NOSTRIN: variants seen among roughly 807,000 people sequenced by gnomAD.
NOSTRIN encodes nitric oxide synthase trafficking, also known as BM247 homolog.
NOSTRIN carries 63 observed loss-of-function variants against 59.0 expected under a neutral mutation model. The ratio of observed to expected loss-of-function variants is 1.07; its 90% confidence interval spans 0.87 to 1.32. NOSTRIN has a LOEUF of 1.32. NOSTRIN is among the 40% of genes most tolerant of loss of function. NOSTRIN has a pLI of 0.00. For synonymous variants in NOSTRIN, 200 were observed against 165.4 expected, an observed-to-expected ratio of 1.21 and a Z score of -1.61; for missense variants, 512 against 473.1, an observed-to-expected ratio of 1.08 and a Z score of -0.76.
At chr2:168,820,214 C>G (rs1384068315) in intron 2 of NOSTRIN, among the ~76,000 whole-genome samples, 1 of 152,228 alleles carries the variant, frequency 6.6e-6, no homozygotes, top group Non-Finnish European at 1.5e-5. Context: ...GAATCCAAGT[C>G]TGTGACCATC....
intron 15 of NOSTRIN, 67 bp from the exon 16 acceptor site, chr2:168,864,767 C>CT: frequency 2.5e-6 from 4 of 1,576,040 alleles, no homozygotes; most frequent in Non-Finnish European, 3.5e-6. Context: ...CCTTAAAACT[C>CT]TTATCAATCG....
upstream of NOSTRIN, among the ~76,000 whole-genome samples, chr2:168,795,032 A>T (rs1685446302): frequency 6.6e-6 from 1 of 152,258 alleles, no homozygotes; most frequent in Non-Finnish European, 1.5e-5. Flanking sequence ...ACAGGAAAAA[A>T]TCACAATAAA....
At chr2:168,863,499 CT>C in intron 15 of NOSTRIN, 1 of 985,384 alleles carries the variant, frequency 1.0e-6, no homozygotes, top group African/African-American at 1.7e-5. Context: ...GCAGATCTTT[CT>C]ACTTTTATGA....
At chr2:168,833,887 G>A (rs981355024) in intron 6 of NOSTRIN, among the ~76,000 whole-genome samples, 4 of 152,210 alleles carry the variant, frequency 2.6e-5, no homozygotes. Context: ...ATCTTCTGTG[G>A]TAAAGCCATT....
intron 2 of NOSTRIN, among the ~76,000 whole-genome samples, chr2:168,814,619 C>G (rs1224858306): frequency 6.6e-6 from 1 of 152,176 alleles, no homozygotes; most frequent in Non-Finnish European, 1.5e-5. Context: ...GGAATATATT[C>G]AGTAGGCATT....
intron 2 of NOSTRIN, among the ~76,000 whole-genome samples, chr2:168,815,427 T>A (rs1686343769): frequency 6.6e-6 from 1 of 152,222 alleles, no homozygotes; most frequent in Admixed American, 6.5e-5. Context: ...ATGTTTGGCT[T>A]CCTGCATCCT....
intron 1 of NOSTRIN, among the ~76,000 whole-genome samples, chr2:168,806,417 T>C (rs1685854835): frequency 6.6e-6 from 1 of 152,210 alleles, no homozygotes; most frequent in Non-Finnish European, 1.5e-5. Context: ...ACAAGTCGCC[T>C]GTCTAAACAT....
In NOSTRIN at chr2:168,851,123, T is replaced by G. The variant is rs182073385; in HGVS notation, c.670T>G (p.Cys224Gly). The change falls in exon 9 of 16, where the codon TGC becomes GGC. Residue 224 changes from cysteine (C) to glycine (G), a missense_variant. Coordinates refer to ENST00000317647, the MANE Select transcript of NOSTRIN (RefSeq NM_001039724.4). The stretch of plus-strand genomic sequence containing the variant: ...GGAGAAGGAAAGAATTCAACTTTTA[T>G]GCAATAACTTAAACCAGTACAGCCA... ...ELEKERIQLL[C>G]NNLNQYSQHI... 2.5e-6 allele frequency: 4 copies of G among 1,588,972 alleles called. No homozygotes were observed. Among genetic ancestry groups the G allele is most frequent in the African/African-American group, 2.7e-5 (2 of 74,474 alleles).
chr2:168,807,404 A>C (rs991560335), intron 1 of NOSTRIN, among the ~76,000 whole-genome samples: 2 of 152,210 alleles, frequency 1.3e-5, no homozygotes, highest in Non-Finnish European at 2.9e-5. Flanking sequence ...AGAATGATTG[A>C]TTCTAAATAA....
At chr2:168,824,267 A>G (rs6716139) in intron 2 of NOSTRIN, among the ~76,000 whole-genome samples, 112,271 of 151,930 alleles carry the variant, frequency 0.74, 41,668 homozygotes, top group East Asian at 0.88. Flanking sequence ...ATCTGTGTGT[A>G]TGTTTGGTTT....
chr2:168,828,022 A>G, intron 3 of NOSTRIN, 136 bp from the exon 4 acceptor site: 2 of 680,988 alleles, frequency 2.9e-6, no homozygotes, highest in East Asian at 2.7e-5. Flanking sequence ...TCATAGAGAA[A>G]TTGAAATAAG....
chr2:168,805,787 C>T (rs1685820335), intron 1 of NOSTRIN, among the ~76,000 whole-genome samples: 1 of 152,144 alleles, frequency 6.6e-6, no homozygotes, highest in African/African-American at 2.4e-5. Flanking sequence ...GGATATCAGA[C>T]AATGACTGTC....
intron 8 of NOSTRIN, among the ~76,000 whole-genome samples, chr2:168,849,737 A>T (rs896196706): frequency 2.0e-5 from 3 of 149,152 alleles, no homozygotes; most frequent in African/African-American, 7.4e-5. Flanking sequence ...ATCAAAGCCC[A>T]AAGTCCCCTG....
chr2:168,821,981 A>G (rs1042921181), intron 2 of NOSTRIN, among the ~76,000 whole-genome samples: 1 of 152,212 alleles, frequency 6.6e-6, no homozygotes, highest in Admixed American at 6.5e-5. Context: ...TAAGTAGGTC[A>G]TGTAACTTCT....
intron 8 of NOSTRIN, among the ~76,000 whole-genome samples, chr2:168,850,101 T>G (rs1688669847): frequency 6.6e-6 from 1 of 151,760 alleles, no homozygotes; most frequent in South Asian, 2.1e-4. Flanking sequence ...TTAGTAGAGA[T>G]AAGGTTTCAC....
chr2:168,791,761 G>GT (rs1247097464), intron 2 of NOSTRIN, among the ~76,000 whole-genome samples: 3 of 151,966 alleles, frequency 2.0e-5, no homozygotes, highest in East Asian at 3.9e-4. Context: ...TTTTTCATGT[G>GT]TTTTTTGGCT....
At chr2:168,815,557 AAAG>A (rs1686349948) in intron 2 of NOSTRIN, among the ~76,000 whole-genome samples, 1 of 152,222 alleles carries the variant, frequency 6.6e-6, no homozygotes, top group Non-Finnish European at 1.5e-5. Context: ...GAAAAGAATA[AAAG>A]AAGGAGGTAT....
upstream of NOSTRIN, among the ~76,000 whole-genome samples, chr2:168,800,351 C>T (rs146009527): frequency 2.6e-5 from 4 of 152,338 alleles, no homozygotes; most frequent in South Asian, 2.1e-4. Context: ...AAAGGATAAA[C>T]GATACCAACC....
At chr2:168,831,700 C>G (rs1301521143) in intron 6 of NOSTRIN, among the ~76,000 whole-genome samples, 166 bp downstream of exon 6, 1 of 152,156 alleles carries the variant, frequency 6.6e-6, no homozygotes, top group Admixed American at 6.5e-5. Flanking sequence ...TTTCACCAAA[C>G]CAATGGAAGT....
Sources: allele counts gnomAD v4.1 joint callset (sites outside exome capture counted in the v4.1 genomes callset), GRCh38; gene constraint gnomAD v4.1.1; transcripts MANE v1.5; gene names NCBI Gene and HGNC (gene_info 2026-07-23, HGNC 2026-07-21).